The following OR2A14 variants were observed in gnomAD, a reference collection of about 807,000 sequenced individuals.
The protein encoded by OR2A14 is olfactory receptor 2A14.
OR2A14 carries 2 observed loss-of-function variants against 2.4 expected under a neutral mutation model. The observed-to-expected ratio is 0.85, with a 90% CI of 0.35 to 2.67. OR2A14 has a LOEUF of 2.67. Ranked by LOEUF, OR2A14 falls within the 30% of genes most tolerant of loss-of-function variation. The pLI is 0.10. For synonymous variants in OR2A14, 160 were observed against 156.3 expected (o/e 1.02, Z -0.18); for missense variants, 390 against 379.4 (o/e 1.03, Z -0.23).
intron 1 of OR2A14, among the ~76,000 whole-genome samples, chr7:144,126,754 G>C (rs546243344): frequency 6.6e-6 from 1 of 151,940 alleles, no homozygotes; most frequent in African/African-American, 2.4e-5. Context: ...TGAAAGAATC[G>C]GATATAATTC....
At chr7:144,128,203 A>G (rs1375601124) in intron 1 of OR2A14, among the ~76,000 whole-genome samples, 2 of 152,242 alleles carry the variant, frequency 1.3e-5, no homozygotes, top group Admixed American at 6.5e-5. Context: ...AAAGAGTCCA[A>G]TAAAATACAA....
chr7:144,129,704 A>G lies in OR2A14; in HGVS notation c.592A>G (p.Ile198Val), dbSNP rs1563054130. 6 of 1,613,966 alleles carry G rather than the reference A, an allele frequency of 3.7e-6. No individual in the cohort carries two copies. The highest frequency in any genetic ancestry group is 5.1e-6 in the Non-Finnish European group (6 of 1,180,028). The change falls in exon 2 of 2, where the codon ATC (isoleucine) becomes GTC (valine). Residue 198 changes from isoleucine to valine, a missense_variant. Ile to Val is a conservative substitution (Grantham distance 29, BLOSUM62 3). Transcript: ENST00000641068. ...CADTWLNQVV[I>V]FAACVFILVG... ...TGACACCTGGCTCAACCAGGTGGTC[A>G]TCTTTGCAGCCTGCGTGTTCATCCT...
chr7:144,129,661 C>A lies in OR2A14; in HGVS notation c.549C>A (p.Val183=). The A allele has an allele frequency of 6.2e-7, 1 of 1,614,174 alleles. No individual in the cohort carries two copies. Among genetic ancestry groups the A allele is most frequent in the African/African-American group, 1.3e-5 (1 of 75,044 alleles). The part of the protein sequence containing the change: ...INHFFCEILS[V]LKLACADTWL... The stretch of plus-strand genomic sequence containing the variant: ...ACTTCTTCTGTGAAATCCTGTCTGT[C>A]CTCAAGTTGGCCTGTGCTGACACCT... Residue 183 remains valine, a synonymous_variant, in exon 2 of 2, where the codon GTC becomes GTA. Transcript: ENST00000641068.
chr7:144,123,808 T>C lies in OR2A14; in HGVS notation c.-35+544T>C, dbSNP rs552212514. 5.3e-5 allele frequency among the ~76,000 whole-genome samples: 8 copies of C among 152,222 alleles called. No individual in the cohort carries two copies. The East Asian group carries it at 1.5e-3, about 29-fold the overall frequency. Reference sequence around the variant, plus strand: ...TCAGTTGTTCTGGATACAGGCACCATTCACTCACAGGGAAAAGCCAGTGCC... The same window carrying C: ...TCAGTTGTTCTGGATACAGGCACCACTCACTCACAGGGAAAAGCCAGTGCC... On this transcript the variant is annotated intron_variant, in intron 1 of 1. Coordinates refer to ENST00000641068, the MANE Select transcript of OR2A14 (RefSeq NM_001001659.3).
Position 144,129,861 on chromosome 7 carries a change from T to A in OR2A14, c.749T>A (p.Phe250Tyr). 6.2e-7 allele frequency: 1 copy of A among 1,614,222 alleles called. No individual in the cohort carries two copies. The highest frequency in any genetic ancestry group is 8.5e-7 in the Non-Finnish European group (1 of 1,180,028). ...TCCCACCTTTGCGTGGTGGGACTCT[T>A]CTTTGGCAGCGCCATTGTCACGTAC... ...CSSHLCVVGL[F>Y]FGSAIVTYMA... The change falls in exon 2 of 2, where the codon TTC (phenylalanine) becomes TAC (tyrosine). Residue 250 changes from phenylalanine (F) to tyrosine (Y), a missense_variant. Coordinates refer to ENST00000641068, the MANE Select transcript of OR2A14 (RefSeq NM_001001659.3).
Position 144,129,841 on chromosome 7 carries a change from C to T in OR2A14, c.729C>T (p.His243=). 6.2e-7 allele frequency: 1 copy of T among 1,614,244 alleles called. No homozygotes were observed. Among genetic ancestry groups the T allele is most frequent in the Non-Finnish European group, 8.5e-7 (1 of 1,180,044 alleles). The change falls in exon 2 of 2, where the codon CAC becomes CAT. Residue 243 remains histidine, a synonymous_variant. Coordinates refer to ENST00000641068, the MANE Select transcript of OR2A14 (RefSeq NM_001001659.3). ...RRKAFSTCSS[H]LCVVGLFFGS... ...AGGCCTTCTCCACCTGCTCCTCCCA[C>T]CTTTGCGTGGTGGGACTCTTCTTTG...
rs772722250 is a variant in OR2A14 at position 144,129,975 on chromosome 7, T to C, written c.863T>C (p.Ile288Thr). 6.2e-7 allele frequency: 1 copy of C among 1,613,996 alleles called. No homozygotes were observed. The highest frequency in any genetic ancestry group is 1.3e-5 in the African/African-American group (1 of 74,904). ...TTCAATCCAATGCTGAACCCCCTGA[T>C]ATATAGCCTAAGGAATGCAGAGGTC... Reference protein sequence around the residue: ...SLFNPMLNPLIYSLRNAEVKG... With the variant: ...SLFNPMLNPLTYSLRNAEVKG... The change falls in exon 2 of 2, where the codon ATA becomes ACA. Residue 288 changes from isoleucine (I) to threonine (T), a missense_variant. Physicochemically the swap from Ile to Thr is moderately conservative, Grantham distance 89. Coordinates refer to ENST00000641068, the MANE Select transcript of OR2A14 (RefSeq NM_001001659.3).
intron 1 of OR2A14, among the ~76,000 whole-genome samples, chr7:144,126,348 T>C (rs2051483019): frequency 6.6e-6 from 1 of 152,196 alleles, no homozygotes; most frequent in African/African-American, 2.4e-5. Context: ...ATAAGTACAA[T>C]CTCCTGCTCA....
chr7:144,129,694 C>T lies in OR2A14; in HGVS notation c.582C>T (p.Asn194=). ...LKLACADTWL[N]QVVIFAACVF... ...TGGCCTGTGCTGACACCTGGCTCAA[C>T]CAGGTGGTCATCTTTGCAGCCTGCG... Residue 194 remains asparagine, a synonymous_variant, in exon 2 of 2, where the codon AAC becomes AAT. Transcript: ENST00000641068. 6.2e-7 allele frequency: 1 copy of T among 1,614,174 alleles called. No homozygotes were observed. Among genetic ancestry groups the T allele is most frequent in the Non-Finnish European group, 8.5e-7 (1 of 1,180,032 alleles).
chr7:144,125,700 C>T (rs932976824), intron 1 of OR2A14, among the ~76,000 whole-genome samples: 2 of 152,156 alleles, frequency 1.3e-5, no homozygotes, highest in Non-Finnish European at 2.9e-5. Flanking sequence ...GATTAAATTT[C>T]ACTTTCACTA....
At chr7:144,126,811 T>C (rs1348728755) in intron 1 of OR2A14, among the ~76,000 whole-genome samples, 1 of 152,146 alleles carries the variant, frequency 6.6e-6, no homozygotes, top group Non-Finnish European at 1.5e-5. Flanking sequence ...ATGGTTTATA[T>C]TTTCAACAAA....
chr7:144,128,227 A>G (rs1200273846), intron 1 of OR2A14, among the ~76,000 whole-genome samples: 2 of 152,252 alleles, frequency 1.3e-5, no homozygotes, highest in Non-Finnish European at 2.9e-5. Context: ...CGATACAGCG[A>G]TCATCTTTAA....
rs138813162 is a variant in OR2A14, at chr7:144,129,062, C to T, written c.-34-17C>T. ...ATTTCTAAGTGCTCCCTCTGTGCAT[C>T]TTTGACTGGCCCACAGCTCTGACCT... On this transcript the variant is annotated splice_polypyrimidine_tract_variant and intron_variant, in intron 1 of 1. Coordinates refer to ENST00000641068, the MANE Select transcript of OR2A14 (RefSeq NM_001001659.3). 6.3e-6 allele frequency: 9 copies of T among 1,437,444 alleles called. No homozygotes were observed. Among genetic ancestry groups the T allele is most frequent in the Non-Finnish European group, 5.7e-6 (6 of 1,047,282 alleles). 89.0% of individuals were successfully genotyped at this position (1,437,444 alleles called of 1,614,324 possible).
chr7:144,127,836 TAACAG>T, intron 1 of OR2A14, among the ~76,000 whole-genome samples: 1 of 152,312 alleles, frequency 6.6e-6, no homozygotes, highest in Middle Eastern at 3.4e-3. Context: ...TGTGAAGTGT[TAACAG>T]AACAGCACCA....
rs2051520117 is a variant in OR2A14 at position 144,130,042 on chromosome 7, G to A, written c.930G>A (p.Thr310=). 2 of 1,609,040 alleles carry A rather than the reference G, an allele frequency of 1.2e-6. No individual in the cohort carries two copies. The highest frequency in any genetic ancestry group is 8.5e-7 in the Non-Finnish European group (1 of 1,176,712). ...GGGCACTGAGGAAGGAGAGGCTGACGTGAGACATCTCAAAGGGAACCATGG... is the reference window on the plus strand; with the variant it reads ...GGGCACTGAGGAAGGAGAGGCTGACATGAGACATCTCAAAGGGAACCATGG... ...LRRALRKERL[T] is the part of the protein sequence containing the mutation. Residue 310 remains threonine (T), a synonymous_variant, in exon 2 of 2, where the codon ACG becomes ACA. Transcript: ENST00000641068.
chr7:144,124,101 TG>T (rs2051464761), intron 1 of OR2A14, among the ~76,000 whole-genome samples: 1 of 152,162 alleles, frequency 6.6e-6, no homozygotes, highest in Admixed American at 6.5e-5. Context: ...AAAGCTAGTA[TG>T]CAGCAAAGCC....
chr7:144,129,842 C>T lies in OR2A14; in HGVS notation c.730C>T (p.Leu244Phe). ...GGCCTTCTCCACCTGCTCCTCCCACCTTTGCGTGGTGGGACTCTTCTTTGG... is the reference window on the plus strand; with the variant it reads ...GGCCTTCTCCACCTGCTCCTCCCACTTTTGCGTGGTGGGACTCTTCTTTGG... The part of the protein sequence containing the change: ...RKAFSTCSSH[L>F]CVVGLFFGSA... Residue 244 changes from leucine (L) to phenylalanine (F), a missense_variant, in exon 2 of 2, where the codon CTT (leucine) becomes TTT (phenylalanine). Leu to Phe is a conservative substitution (Grantham distance 22, BLOSUM62 0). Transcript: ENST00000641068. 6.2e-7 allele frequency: 1 copy of T among 1,614,232 alleles called. No homozygotes were observed. Among genetic ancestry groups the T allele is most frequent in the Non-Finnish European group, 8.5e-7 (1 of 1,180,038 alleles).
rs1476961387 is a variant in OR2A14 at position 144,130,595 on chromosome 7, G to A, written c.*550G>A. 1 of 152,902 alleles carries A rather than the reference G, an allele frequency of 6.5e-6. No homozygotes were observed. The highest frequency in any genetic ancestry group is 1.5e-5 in the Non-Finnish European group (1 of 68,592). 9.5% of individuals were successfully genotyped at this position (152,902 alleles called of 1,614,324 possible). A position where few individuals can be genotyped will look rare whatever the true frequency, so the allele number is the denominator to read the frequency against. ...GAATTGTAAATTAAAACCACCATGA[G>A]ATACTATTATATACCCACTAAGATG... is the stretch of plus-strand genomic sequence containing the variant. On this transcript the variant is annotated 3_prime_UTR_variant, in exon 2 of 2. Transcript: ENST00000641068.
chr7:144,124,476 A>C (rs531744633), intron 1 of OR2A14, among the ~76,000 whole-genome samples: 1 of 151,574 alleles, frequency 6.6e-6, no homozygotes, highest in South Asian at 2.1e-4. Flanking sequence ...AAAAAAAAAA[A>C]AAAAAACTAG....
Sources: allele counts gnomAD v4.1 joint callset (sites outside exome capture counted in the v4.1 genomes callset), GRCh38; gene constraint gnomAD v4.1.1; transcripts MANE v1.5; gene names NCBI Gene and HGNC (gene_info 2026-07-23, HGNC 2026-07-21).